The following UBE2K variants were observed in gnomAD, a reference collection of about 807,000 sequenced individuals.
UBE2K encodes the protein ubiquitin-conjugating enzyme E2 K.
Under a neutral mutation model 30.0 loss-of-function variants are expected in UBE2K, and 6 were observed. The ratio of observed to expected loss-of-function variants is 0.20; its 90% CI spans 0.11 to 0.39. The LOEUF (loss-of-function observed/expected upper bound fraction) is 0.39, where lower values mean the gene tolerates loss of function less well. Ranked by LOEUF, UBE2K falls within the 10% of genes least tolerant of loss-of-function variation. The probability of loss-of-function intolerance (pLI) is 1.00; values close to 1 mark genes in which losing one functional copy is unlikely to be tolerated. For synonymous variants in UBE2K, 86 were observed against 83.7 expected (o/e 1.03, Z -0.15); for missense variants, 61 against 241.6 (o/e 0.25, Z 4.96).
At chr4:39,731,839 T>C (rs753581682) in intron 1 of UBE2K, among the ~76,000 whole-genome samples, 13 of 152,296 alleles carry the variant, frequency 8.5e-5, no homozygotes, top group East Asian at 1.9e-4. Context: ...CTTTTACATA[T>C]GCATGACAAT....
intron 1 of UBE2K, among the ~76,000 whole-genome samples, chr4:39,719,801 G>A (rs1016289680): frequency 6.6e-6 from 1 of 152,112 alleles, no homozygotes; most frequent in African/African-American, 2.4e-5. Context: ...CTTAGTTTTT[G>A]TTGTATAGAA....
intron 1 of UBE2K, among the ~76,000 whole-genome samples, chr4:39,732,174 G>A (rs971741176): frequency 1.3e-5 from 2 of 152,088 alleles, no homozygotes; most frequent in Non-Finnish European, 2.9e-5. Context: ...TACTTTATTC[G>A]TTAAATTCAC....
intron 2 of UBE2K, among the ~76,000 whole-genome samples, chr4:39,738,664 T>G (rs1230726267): frequency 6.6e-6 from 1 of 152,052 alleles, no homozygotes; most frequent in Non-Finnish European, 1.5e-5. Context: ...TTGTGTGTGT[T>G]TTTTGTTGTT....
chr4:39,731,200 A>G (rs1363548166), intron 1 of UBE2K, among the ~76,000 whole-genome samples: 2 of 148,414 alleles, frequency 1.3e-5, no homozygotes, highest in African/African-American at 5.0e-5. Flanking sequence ...GCCATCTTGT[A>G]CTCTTTTCAA....
In UBE2K at chr4:39,748,522, A is replaced by G. The variant is rs548589478; in HGVS notation, c.216+2712A>G. ...TGGCCAGGCATGGTGGCTCACGCCT[A>G]TAATCCCAGCACTTTAGGAAGTCAA... On this transcript the variant is annotated intron_variant, in intron 3 of 6. Coordinates refer to ENST00000261427, the MANE Select transcript of UBE2K (RefSeq NM_005339.5). Among the ~76,000 whole-genome samples the G allele has an allele frequency of 2.6e-4, 40 of 152,176 alleles. No homozygotes were observed. The South Asian group carries it at 7.7e-3, about 29-fold the overall frequency.
intron 3 of UBE2K, among the ~76,000 whole-genome samples, chr4:39,751,635 A>T (rs1057087729): frequency 6.6e-6 from 1 of 152,128 alleles, no homozygotes; most frequent in African/African-American, 2.4e-5. Flanking sequence ...AGATTGCGCC[A>T]CTGCACTTCA....
At chr4:39,707,274 A>G (rs1718420100) in intron 1 of UBE2K, among the ~76,000 whole-genome samples, 1 of 151,734 alleles carries the variant, frequency 6.6e-6, no homozygotes, top group Non-Finnish European at 1.5e-5. Flanking sequence ...GTGCGGTGAC[A>G]TGATCTTGGC....
intron 1 of UBE2K, among the ~76,000 whole-genome samples, chr4:39,719,349 A>C (rs987457894): frequency 2.6e-5 from 4 of 152,154 alleles, no homozygotes; most frequent in Admixed American, 2.0e-4. Flanking sequence ...ACTATTGATA[A>C]TTGTACATAT....
chr4:39,760,186 A>AAAAAAC (rs1560372471), intron 4 of UBE2K, among the ~76,000 whole-genome samples: 4 of 70,728 alleles, frequency 5.7e-5, no homozygotes, highest in Non-Finnish European at 1.1e-4. Context: ...CAAAAAAAAA[A>AAAAAAC]AAAAAACAGA....
At chr4:39,727,577 TC>T (rs1719823629) in intron 1 of UBE2K, among the ~76,000 whole-genome samples, 1 of 151,020 alleles carries the variant, frequency 6.6e-6, no homozygotes, top group South Asian at 2.1e-4. Flanking sequence ...TCTGGACTGA[TC>T]TTTTTTTTTT....
At chr4:39,741,160 A>G (rs527916249) in intron 2 of UBE2K, among the ~76,000 whole-genome samples, 1 of 152,084 alleles carries the variant, frequency 6.6e-6, no homozygotes, top group South Asian at 2.1e-4. Context: ...AATCCCAGCT[A>G]CTCAGGAGGC....
chr4:39,734,144 T>C (rs915636294), intron 1 of UBE2K, among the ~76,000 whole-genome samples: 3 of 151,106 alleles, frequency 2.0e-5, no homozygotes, highest in African/African-American at 7.3e-5. Context: ...CTCACTGTGT[T>C]ACCCAAACTG....
intron 4 of UBE2K, among the ~76,000 whole-genome samples, chr4:39,761,568 G>A (rs889187821): frequency 1.3e-5 from 2 of 152,148 alleles, no homozygotes; most frequent in Non-Finnish European, 2.9e-5. Flanking sequence ...GATTTATGAG[G>A]TACTGATTTA....
intron 4 of UBE2K, among the ~76,000 whole-genome samples, chr4:39,757,523 C>G (rs1184320304): frequency 6.6e-6 from 1 of 151,752 alleles, no homozygotes; most frequent in Admixed American, 6.6e-5. Flanking sequence ...CTCAGTAGAT[C>G]ATCTCTTGGG....
chr4:39,740,287 C>T (rs891696593), intron 2 of UBE2K, among the ~76,000 whole-genome samples: 1 of 152,030 alleles, frequency 6.6e-6, no homozygotes, highest in African/African-American at 2.4e-5. Flanking sequence ...ATAAACAAGG[C>T]ACTTCCTGAG....
chr4:39,711,309 C>G (rs1289275486), intron 1 of UBE2K, among the ~76,000 whole-genome samples: 1 of 151,184 alleles, frequency 6.6e-6, no homozygotes, highest in Non-Finnish European at 1.5e-5. Flanking sequence ...ACTACAGGCG[C>G]CCGCCACCAA....
chr4:39,771,675 G>GCGGCGA (rs1712874234), intron 4 of UBE2K, among the ~76,000 whole-genome samples: 1 of 152,098 alleles, frequency 6.6e-6, no homozygotes, highest in Admixed American at 6.5e-5. Context: ...CCTCGCGCGC[G>GCGGCGA]CGGCGACGGC....
chr4:39,777,212 A>G (rs1463937248), intron 5 of UBE2K, among the ~76,000 whole-genome samples: 1 of 152,206 alleles, frequency 6.6e-6, no homozygotes, highest in African/African-American at 2.4e-5. Context: ...AAATCACTGT[A>G]CACTAATGCA....
intron 5 of UBE2K, 146 bp from the exon 6 acceptor site, chr4:39,777,536 A>G (rs1713347120): frequency 1.4e-6 from 1 of 713,388 alleles, no homozygotes; most frequent in Non-Finnish European, 2.1e-6. Context: ...CTCGAGTGAC[A>G]TAGGTTGTCT....
Sources: allele counts gnomAD v4.1 joint callset (sites outside exome capture counted in the v4.1 genomes callset), GRCh38; gene constraint gnomAD v4.1.1; transcripts MANE v1.5; gene names NCBI Gene and HGNC (gene_info 2026-07-23, HGNC 2026-07-21).